The following ST3GAL3 variants were observed in gnomAD, a reference collection of about 807,000 sequenced individuals.
The protein encoded by ST3GAL3 is ST3 beta-galactoside alpha-2,3-sialyltransferase 3.
A neutral mutation model predicts 50.1 loss-of-function variants in ST3GAL3; 21 were observed. That is an observed-to-expected ratio of 0.42 (90% CI 0.30 to 0.60). ST3GAL3 has a LOEUF of 0.60. ST3GAL3 is among the 20% of genes least tolerant of loss of function. The pLI is 0.19. For missense variants in ST3GAL3, 353 were observed against 489.4 expected (o/e 0.72, Z 2.63); for synonymous variants, 183 against 190.0 (o/e 0.96, Z 0.30).
Position 43,897,201 on chromosome 1 carries a change from C to T in ST3GAL3, c.398-1034C>T, listed in dbSNP as rs140685423. The stretch of plus-strand genomic sequence containing the variant: ...TGGAGCAAGTGTGTGACTTTTTCAA[C>T]GCTCCACGCCTAGGAGCATAGTTGT... On this transcript the variant is annotated intron_variant, in intron 6 of 11. Coordinates refer to ENST00000347631, the MANE Select transcript of ST3GAL3 (RefSeq NM_006279.5). Among the ~76,000 whole-genome samples the T allele has an allele frequency of 6.3e-3, 953 of 151,990 alleles. 3 individuals carry two copies. Among genetic ancestry groups the T allele is most frequent in the Non-Finnish European group, 0.01 (708 of 68,000 alleles).
At chr1:43,895,449 G>A (rs1007243475) in intron 6 of ST3GAL3, among the ~76,000 whole-genome samples, 1 of 152,204 alleles carries the variant, frequency 6.6e-6, no homozygotes, top group African/African-American at 2.4e-5. Flanking sequence ...CAGGCACAGA[G>A]GGATCAGATC....
At chr1:43,784,830 G>A (rs2057082699) in intron 2 of ST3GAL3, among the ~76,000 whole-genome samples, 2 of 152,174 alleles carry the variant, frequency 1.3e-5, no homozygotes, top group African/African-American at 4.8e-5. Context: ...GCTCCCCAGT[G>A]AATAATTCTG....
At chr1:43,891,328 G>T (rs1378461085) in intron 5 of ST3GAL3, among the ~76,000 whole-genome samples, 4 of 152,238 alleles carry the variant, frequency 2.6e-5, no homozygotes, top group Admixed American at 1.3e-4. Context: ...CCAGCACTTT[G>T]GGAGGCCAAG....
At chr1:43,860,000 C>T (rs2069512405) in intron 5 of ST3GAL3, among the ~76,000 whole-genome samples, 1 of 152,208 alleles carries the variant, frequency 6.6e-6, no homozygotes, top group African/African-American at 2.4e-5. Context: ...GCCTCTGCTC[C>T]TGTGCCCTTC....
chr1:43,736,503 G>T, intron 2 of ST3GAL3, 123 bp downstream of exon 2: 1 of 1,582,260 alleles, frequency 6.3e-7, no homozygotes, highest in South Asian at 1.1e-5. Context: ...AACATTTCTG[G>T]GACTTTGGCC....
intron 2 of ST3GAL3, among the ~76,000 whole-genome samples, chr1:43,740,983 A>G (rs1680682253): frequency 6.6e-6 from 1 of 152,098 alleles, no homozygotes; most frequent in South Asian, 2.1e-4. Flanking sequence ...TTCATTTCTA[A>G]TTAATAAAGT....
chr1:43,899,385 G>A lies in ST3GAL3; in HGVS notation c.557+122G>A. ...GGTCAACGGAAGCCTCAAGAACTCT[G>A]GGTTGGAGGGCTTTGGAACAGACAA... On this transcript the variant is annotated intron_variant, in intron 8 of 11. Transcript: ENST00000347631. The surrounding 1 kb of genome is among the most constrained non-coding windows in gnomAD (Gnocchi z 5.4). 1 of 1,592,050 alleles carries A rather than the reference G, an allele frequency of 6.3e-7. No homozygotes were observed. Among genetic ancestry groups the A allele is most frequent in the Non-Finnish European group, 8.6e-7 (1 of 1,169,318 alleles).
chr1:43,883,344 G>C (rs970963158), intron 5 of ST3GAL3, among the ~76,000 whole-genome samples: 8 of 152,186 alleles, frequency 5.3e-5, no homozygotes, highest in African/African-American at 1.9e-4. Context: ...CCCAGTAGCA[G>C]TGGTGGGGAT....
At chr1:43,885,945 C>T (rs1299601469) in intron 5 of ST3GAL3, among the ~76,000 whole-genome samples, 1 of 152,204 alleles carries the variant, frequency 6.6e-6, no homozygotes, top group Non-Finnish European at 1.5e-5. Context: ...TAGGGAGAGA[C>T]TTGTCAAATT....
intron 3 of ST3GAL3, among the ~76,000 whole-genome samples, chr1:43,798,911 C>G (rs1281848214): frequency 1.3e-5 from 2 of 152,162 alleles, no homozygotes; most frequent in East Asian, 1.9e-4. Flanking sequence ...TTAGGAACAA[C>G]AATATTCACT....
intron 7 of ST3GAL3, chr1:43,898,513 G>A: frequency 3.2e-6 from 2 of 634,422 alleles, no homozygotes; most frequent in Non-Finnish European, 5.8e-6. Flanking sequence ...GGACATCCCA[G>A]TCCTCAGATA....
intron 5 of ST3GAL3, among the ~76,000 whole-genome samples, chr1:43,871,181 A>G (rs1365157742): frequency 6.6e-6 from 1 of 152,212 alleles, no homozygotes; most frequent in Non-Finnish European, 1.5e-5. Context: ...GGACTCTCCT[A>G]CATGTGGGAC....
chr1:43,744,374 C>T (rs896790811), intron 2 of ST3GAL3, among the ~76,000 whole-genome samples: 2 of 151,766 alleles, frequency 1.3e-5, no homozygotes, highest in African/African-American at 2.4e-5. Flanking sequence ...CTCAGCCTCC[C>T]GAGTAGCTGG....
chr1:43,727,954 G>C (rs1257827684), intron 1 of ST3GAL3, among the ~76,000 whole-genome samples: 2 of 152,012 alleles, frequency 1.3e-5, no homozygotes, highest in Admixed American at 6.6e-5. Context: ...TTTGGAGTAT[G>C]ATTGATCCTG....
chr1:43,901,449 C>G (rs193168016), intron 9 of ST3GAL3, among the ~76,000 whole-genome samples: 1 of 152,216 alleles, frequency 6.6e-6, no homozygotes, highest in Admixed American at 6.5e-5. Context: ...CAGAGCCTGT[C>G]ATGGGTGTTA....
rs528505595 is a variant in ST3GAL3, at chr1:43,899,737, C to G, written c.744+10C>G. On this transcript the variant is annotated intron_variant, in intron 9 of 11. Coordinates refer to ENST00000347631, the MANE Select transcript of ST3GAL3 (RefSeq NM_006279.5). This position sits in a 1 kb window ranked among gnomAD's most constrained non-coding sequence, Gnocchi z 5.4. ...CTACAAGGAGAGAGTGGTAAGCTCT[C>G]CTGGCACCAGCTTCTTCCCCTCTTG... 9.9e-6 allele frequency: 16 copies of G among 1,613,486 alleles called. No homozygotes were observed. In the South Asian group the frequency reaches 1.5e-4, roughly 16 times the overall value.
At chr1:43,825,026 G>A in intron 4 of ST3GAL3, 1 of 681,462 alleles carries the variant, frequency 1.5e-6, no homozygotes, top group Admixed American at 2.1e-5. Context: ...GTATGTCTAT[G>A]TGTGATGATT....
rs368686769 is a variant in ST3GAL3 at position 43,899,630 on chromosome 1, G to A, written c.647G>A (p.Arg216Gln). The change falls in exon 9 of 12, where the codon CGG becomes CAG. Residue 216 changes from arginine to glutamine, a missense_variant. Physicochemically the swap from Arg to Gln is conservative, Grantham distance 43. Coordinates refer to ENST00000347631, the MANE Select transcript of ST3GAL3 (RefSeq NM_006279.5). The surrounding 1 kb of genome is among the most constrained non-coding windows in gnomAD (Gnocchi z 5.4). ...RITYPEGAMQ[R>Q]PEQYERDSLF... ...ACCTACCCCGAGGGCGCCATGCAGC[G>A]GCCTGAGCAGTACGAGCGCGATTCT... 53 of 1,614,012 alleles carry A rather than the reference G, an allele frequency of 3.3e-5. No homozygotes were observed. Among genetic ancestry groups the A allele is most frequent in the African/African-American group, 1.9e-4 (14 of 74,930 alleles).
intron 4 of ST3GAL3, among the ~76,000 whole-genome samples, chr1:43,817,198 G>C (rs536383138): frequency 6.6e-6 from 1 of 152,074 alleles, no homozygotes; most frequent in Non-Finnish European, 1.5e-5. Flanking sequence ...AAAAAATGTG[G>C]ATAATAGCAC....
Sources: gnomAD v4.1 joint callset for allele counts (sites outside exome capture counted in the v4.1 genomes callset) on GRCh38, gnomAD v4.1.1 for gene constraint, Gnocchi (gnomAD v3.1) non-coding constraint, MANE v1.5 for transcripts, NCBI Gene and HGNC (gene_info 2026-07-23, HGNC 2026-07-21) for gene names.